IFT46: variants seen among roughly 807,000 people sequenced by gnomAD.
IFT46 encodes the protein intraflagellar transport 46.
Under a neutral mutation model 39.6 loss-of-function variants are expected in IFT46, and 19 were observed. The ratio of observed to expected loss-of-function variants is 0.48; its 90% CI spans 0.33 to 0.70. The LOEUF (loss-of-function observed/expected upper bound fraction) is 0.70, where lower values mean the gene tolerates loss of function less well. IFT46 is among the 30% of genes least tolerant of loss of function. IFT46 has a pLI of 0.01. For synonymous variants in IFT46, 117 were observed against 134.8 expected (o/e 0.87, Z 0.91); for missense variants, 334 against 364.8 (o/e 0.92, Z 0.69).
At chr11:118,574,931 C>CT (rs1207634748), upstream of IFT46, among the ~76,000 whole-genome samples, 14 of 151,826 alleles carry the variant, frequency 9.2e-5, no homozygotes, top group African/African-American at 2.9e-4. Context: ...TTGATTTGAT[C>CT]TTTTTTTTGT....
intron 4 of IFT46, chr11:118,555,731 G>A (rs1341285891): frequency 1.7e-5 from 3 of 171,906 alleles, no homozygotes; most frequent in Admixed American, 1.7e-4. Context: ...AGACCAGCCT[G>A]GCCAACATGG....
At chr11:118,572,769 C>T in exon 1 of IFT46, 1 of 499,448 alleles carries the variant, frequency 2.0e-6, no homozygotes, top group Admixed American at 3.6e-5. Context: ...CGCTTCCGCA[C>T]CACCCCCCAA....
intron 4 of IFT46, among the ~76,000 whole-genome samples, chr11:118,556,013 A>G (rs1555069405): frequency 6.6e-6 from 1 of 151,964 alleles, no homozygotes; most frequent in African/African-American, 2.4e-5. Flanking sequence ...TGTTATTATT[A>G]TTTTTTAAAT....
intron 2 of IFT46, chr11:118,561,214 T>C (rs1460013569): frequency 9.4e-6 from 13 of 1,377,084 alleles, no homozygotes; most frequent in Non-Finnish European, 1.3e-5. Context: ...TCCCTCACAG[T>C]ACCAAACGAT....
intron 9 of IFT46, among the ~76,000 whole-genome samples, chr11:118,547,993 G>A (rs1217244899): frequency 1.9e-4 from 28 of 149,314 alleles, no homozygotes; most frequent in African/African-American, 5.4e-4. Context: ...TGATCCGCCC[G>A]CCTCGGCCTC....
At chr11:118,571,588 G>A (rs1196196833) in intron 1 of IFT46, among the ~76,000 whole-genome samples, 1 of 152,190 alleles carries the variant, frequency 6.6e-6, no homozygotes, top group African/African-American at 2.4e-5. Context: ...AGTGTGAAAT[G>A]ACGTCTCACC....
At chr11:118,563,902 T>C (rs1938143363) in intron 2 of IFT46, among the ~76,000 whole-genome samples, 1 of 152,038 alleles carries the variant, frequency 6.6e-6, no homozygotes, top group Non-Finnish European at 1.5e-5. Flanking sequence ...CTGACCACCC[T>C]ATCAAAAGTG....
In IFT46 at chr11:118,557,013, T is replaced by C. The variant is rs1400699687; in HGVS notation, c.78A>G (p.Gln26=). Residue 26 remains glutamine, a synonymous_variant, in exon 4 of 12, where the codon CAA becomes CAG. Coordinates refer to ENST00000264021, the MANE Select transcript of IFT46 (RefSeq NM_001168618.2). The part of the protein sequence containing the change: ...EKKKTSQLTP[Q]RGFSENEDDD... ...CATCCTCATTTTCACTAAAGCCCCG[T>C]TGAGGTGTCAACTGTGAGGTCTTCT... is the stretch of plus-strand genomic sequence containing the variant. 4 of 1,611,824 alleles carry C rather than the reference T, an allele frequency of 2.5e-6. No homozygotes were observed. Among genetic ancestry groups the C allele is most frequent in the African/African-American group, 1.3e-5 (1 of 74,804 alleles).
intron 9 of IFT46, among the ~76,000 whole-genome samples, chr11:118,551,146 C>T (rs1406110308): frequency 2.0e-5 from 3 of 148,832 alleles, no homozygotes; most frequent in African/African-American, 5.0e-5. Flanking sequence ...CCAAGGCAGA[C>T]GGATCACTTG....
upstream of IFT46, among the ~76,000 whole-genome samples, chr11:118,569,127 A>G (rs1315424880): frequency 1.3e-5 from 2 of 151,210 alleles, no homozygotes; most frequent in Non-Finnish European, 2.9e-5. Context: ...AAAATACAAA[A>G]AACTAGCCAG....
At chr11:118,558,619 A>G (rs1937922543) in intron 3 of IFT46, among the ~76,000 whole-genome samples, 1 of 151,538 alleles carries the variant, frequency 6.6e-6, no homozygotes, top group Non-Finnish European at 1.5e-5. Flanking sequence ...AAAAACCATT[A>G]AAATGCAGCC....
chr11:118,544,967 TGAA>T lies in IFT46; in HGVS notation c.861_863del (p.Ser289del), dbSNP rs782054667. 1.2e-6 allele frequency: 2 copies of T among 1,613,716 alleles called. No individual in the cohort carries two copies. Among genetic ancestry groups the T allele is most frequent in the African/African-American group, 2.7e-5 (2 of 74,926 alleles). On this transcript the variant is annotated inframe_deletion, in exon 12 of 12. Coordinates refer to ENST00000264021, the MANE Select transcript of IFT46 (RefSeq NM_001168618.2). ...CTCCAGCTTGGGAGGTGGAATTGGA[TGAA>T]GGAGTGAATGCTTTCTTGCCTTCAG...
At chr11:118,545,697 C>T (rs1591355855) in intron 10 of IFT46, 96 bp downstream of exon 10, 1 of 1,372,786 alleles carries the variant, frequency 7.3e-7, no homozygotes, top group Non-Finnish European at 1.0e-6. Context: ...AAGGCTGAAA[C>T]TCAAGATACT....
chr11:118,554,689 C>A, intron 6 of IFT46, 102 bp from the exon 7 acceptor site: 2 of 1,255,866 alleles, frequency 1.6e-6, no homozygotes, highest in Non-Finnish European at 2.2e-6. Flanking sequence ...TAAAAGCATG[C>A]TTATCATGCT....
Position 118,555,425 on chromosome 11 carries a change from G to A in IFT46, c.186-103C>T, listed in dbSNP as rs1253488129. 3.6e-5 allele frequency: 29 copies of A among 816,072 alleles called. No individual in the cohort carries two copies. The African/African-American group carries it at 4.2e-4, about 12-fold the overall frequency. 50.6% of individuals were successfully genotyped at this position (816,072 alleles called of 1,614,324 possible). A position where few individuals can be genotyped will look rare whatever the true frequency, so the allele number is the denominator to read the frequency against. ...CTGACTATAGGGACATGATCCTGAA[G>A]CTAGCTTCTGCCTCTCCAATATCTG... On this transcript the variant is annotated intron_variant, in intron 4 of 11. Coordinates refer to ENST00000264021, the MANE Select transcript of IFT46 (RefSeq NM_001168618.2).
At chr11:118,552,712 G>A (rs1555068730) in intron 7 of IFT46, among the ~76,000 whole-genome samples, 2 of 151,888 alleles carry the variant, frequency 1.3e-5, no homozygotes, top group African/African-American at 2.4e-5. Context: ...AGGATCACTT[G>A]AGCCCAGGCG....
upstream of IFT46, among the ~76,000 whole-genome samples, chr11:118,568,435 C>G (rs536689634): frequency 7.4e-4 from 112 of 152,108 alleles, no homozygotes; most frequent in African/African-American, 2.6e-3. Flanking sequence ...GCCTGTAATC[C>G]TAGCTACTCA....
chr11:118,545,903 C>G (rs782603794), intron 9 of IFT46, 50 bp from the exon 10 acceptor site: 4 of 1,504,778 alleles, frequency 2.7e-6, no homozygotes, highest in Non-Finnish European at 3.7e-6. Flanking sequence ...GTCAGTGGTC[C>G]CAGAACCACT....
In IFT46 at chr11:118,555,088, G is replaced by A; in HGVS notation, c.261-5C>T. ...TCAATCAACTGAGGTGTGTACCTAG[G>A]AGATATTGCCAAGGGAAGGTGGAGA... On this transcript the variant is annotated splice_region_variant and splice_polypyrimidine_tract_variant and intron_variant, in intron 5 of 11. Transcript: ENST00000264021. The A allele has an allele frequency of 6.2e-7, 1 of 1,607,948 alleles. No homozygotes were observed. Among genetic ancestry groups the A allele is most frequent in the Non-Finnish European group, 8.5e-7 (1 of 1,174,420 alleles).
Sources: allele counts gnomAD v4.1 joint callset (sites outside exome capture counted in the v4.1 genomes callset), GRCh38; gene constraint gnomAD v4.1.1; transcripts MANE v1.5; gene names NCBI Gene and HGNC (gene_info 2026-07-23, HGNC 2026-07-21).